The following ZNF236 variants were observed in gnomAD, a reference collection of about 807,000 sequenced individuals.
ZNF236 encodes the protein regulated by glucose.
A neutral mutation model predicts 191.2 loss-of-function variants in ZNF236; 50 were observed. The ratio of observed to expected loss-of-function variants is 0.26; its 90% confidence interval spans 0.21 to 0.33. The LOEUF is 0.33. ZNF236 is among the 10% of genes least tolerant of loss of function. The pLI is 1.00. For synonymous variants in ZNF236, 907 were observed against 928.8 expected (o/e 0.98, Z 0.43); for missense variants, 1,754 against 2,374.5 (o/e 0.74, Z 5.43).
chr18:76,902,640 C>T (rs9947222), intron 11 of ZNF236, among the ~76,000 whole-genome samples: 3,590 of 152,208 alleles, frequency 0.024, 119 homozygotes, highest in African/African-American at 0.079. Flanking sequence ...GGTACGATCT[C>T]GGCTCACTGC....
intron 18 of ZNF236, among the ~76,000 whole-genome samples, chr18:76,914,799 A>G (rs1967312831): frequency 6.6e-6 from 1 of 152,224 alleles, no homozygotes; most frequent in Admixed American, 6.5e-5. Context: ...GTACAGTTAA[A>G]AATATTTTTA....
Position 76,938,817 on chromosome 18 carries a change from C to T in ZNF236, c.4782+1474C>T, listed in dbSNP as rs1023169545. Among the ~76,000 whole-genome samples the T allele has an allele frequency of 1.7e-4, 26 of 152,114 alleles. 1 individual carries two copies. Among genetic ancestry groups the T allele is most frequent in the Admixed American group, 1.7e-3 (26 of 15,270 alleles). On this transcript the variant is annotated intron_variant, in intron 26 of 30. Coordinates refer to ENST00000320610, the MANE Select transcript of ZNF236 (RefSeq NM_001306089.2). ...CAAGCAGCCCTGCCTACGTCGTGCCCCCAGGGACCTGTCGGGCAGCCCCTG... is the reference window on the plus strand; with the variant it reads ...CAAGCAGCCCTGCCTACGTCGTGCCTCCAGGGACCTGTCGGGCAGCCCCTG...
At chr18:76,943,478 A>G (rs1346627145) in intron 26 of ZNF236, among the ~76,000 whole-genome samples, 1 of 152,216 alleles carries the variant, frequency 6.6e-6, no homozygotes, top group Non-Finnish European at 1.5e-5. Context: ...TCTTATTCTG[A>G]ATACAAGAAG....
At chr18:76,834,601 T>C in intron 1 of ZNF236, 1 of 458,126 alleles carries the variant, frequency 2.2e-6, no homozygotes. Context: ...GGTGAATGCC[T>C]GTATGCACAG....
chr18:76,916,237 A>G lies in ZNF236; in HGVS notation c.3274+378A>G, dbSNP rs72985214. On this transcript the variant is annotated intron_variant, in intron 19 of 30. Coordinates refer to ENST00000320610, the MANE Select transcript of ZNF236 (RefSeq NM_001306089.2). ...TTGTCTACTGAAGTTTATTACAGGC[A>G]TATTTAATTTATTGAACACAGGCCT... 2.5e-3 allele frequency among the ~76,000 whole-genome samples: 385 copies of G among 152,318 alleles called. 1 individual carries two copies. Among genetic ancestry groups the G allele is most frequent in the Admixed American group, 6.3e-3 (96 of 15,300 alleles).
chr18:76,874,086 C>T (rs943274984), intron 5 of ZNF236, among the ~76,000 whole-genome samples: 1 of 151,170 alleles, frequency 6.6e-6, no homozygotes, highest in African/African-American at 2.4e-5. Flanking sequence ...CTCACTGTGC[C>T]TCCTGCCCGC....
intron 26 of ZNF236, 73 bp downstream of exon 26, chr18:76,937,416 C>A: frequency 7.5e-7 from 1 of 1,325,228 alleles, no homozygotes; most frequent in East Asian, 2.6e-5. Context: ...TCATTGACTC[C>A]TTCCTAAATA....
chr18:76,963,916 A>G (rs1032663983), intron 30 of ZNF236, among the ~76,000 whole-genome samples: 1 of 152,146 alleles, frequency 6.6e-6, no homozygotes, highest in Non-Finnish European at 1.5e-5. Flanking sequence ...GTCAGTTGTG[A>G]TAGCTCCCAT....
rs760185058 is a variant in ZNF236 at position 76,927,878 on chromosome 18, A to T, written c.4415-49A>T. On this transcript the variant is annotated intron_variant, in intron 24 of 30. Coordinates refer to ENST00000320610, the MANE Select transcript of ZNF236 (RefSeq NM_001306089.2). The surrounding 1 kb of genome is among the most constrained non-coding windows in gnomAD (Gnocchi z 5.4). Reference sequence around the variant, plus strand: ...TATTTTTAATATAAAAACAGGGGAAATTGGTTATTTTGAATCTCAACTTTG... The same window carrying T: ...TATTTTTAATATAAAAACAGGGGAATTTGGTTATTTTGAATCTCAACTTTG... 1 of 1,363,628 alleles carries T rather than the reference A, an allele frequency of 7.3e-7. No individual in the cohort carries two copies. The highest frequency in any genetic ancestry group is 2.5e-5 in the Admixed American group (1 of 40,194). The allele number at this position is 1,363,628 out of a possible 1,614,324, so 84.5% of individuals were successfully genotyped here. A position where few individuals can be genotyped will look rare whatever the true frequency, so the allele number is the denominator to read the frequency against.
At chr18:76,856,581 A>G (rs1599336152) in intron 3 of ZNF236, among the ~76,000 whole-genome samples, 2 of 152,224 alleles carry the variant, frequency 1.3e-5, no homozygotes, top group East Asian at 3.8e-4. Flanking sequence ...TTCTTTAATT[A>G]TGAGTGAAGT....
intron 30 of ZNF236, among the ~76,000 whole-genome samples, chr18:76,962,502 A>T (rs1968689706): frequency 6.6e-6 from 1 of 151,828 alleles, no homozygotes; most frequent in East Asian, 1.9e-4. Context: ...ATGCCTCCAG[A>T]TTTGTTCTTT....
chr18:76,920,117 G>A, intron 20 of ZNF236, 59 bp downstream of exon 20: 2 of 1,542,996 alleles, frequency 1.3e-6, no homozygotes, highest in Non-Finnish European at 1.8e-6. Context: ...GCAGGCAGCT[G>A]CTCCTTTGGT....
chr18:76,871,953 T>C, intron 5 of ZNF236, 128 bp downstream of exon 5: 1 of 1,159,156 alleles, frequency 8.6e-7, no homozygotes, highest in Non-Finnish European at 1.2e-6. Flanking sequence ...CTTGCTGAAA[T>C]TAGTTACTCT....
intron 5 of ZNF236, among the ~76,000 whole-genome samples, chr18:76,872,990 G>A (rs1428922594): frequency 6.6e-6 from 1 of 152,012 alleles, no homozygotes; most frequent in Non-Finnish European, 1.5e-5. Flanking sequence ...TGATTTCAAT[G>A]TTTATATGTC....
intron 25 of ZNF236, among the ~76,000 whole-genome samples, chr18:76,930,736 A>G (rs994390330): frequency 2.0e-5 from 3 of 152,130 alleles, no homozygotes; most frequent in African/African-American, 4.8e-5. Context: ...TCCTTTTAAC[A>G]TGCTTTTGCT....
At chr18:76,928,873 T>C (rs985782756) in intron 25 of ZNF236, among the ~76,000 whole-genome samples, 5 of 152,080 alleles carry the variant, frequency 3.3e-5, no homozygotes, top group Admixed American at 3.3e-4. Flanking sequence ...TACTATGTGC[T>C]TGATATTATT....
At chr18:76,963,633 G>T (rs556441562) in intron 30 of ZNF236, among the ~76,000 whole-genome samples, 34 of 152,132 alleles carry the variant, frequency 2.2e-4, no homozygotes, top group Non-Finnish European at 4.7e-4. Flanking sequence ...TTGTGGAATA[G>T]TGTCAAAAGG....
intron 25 of ZNF236, among the ~76,000 whole-genome samples, chr18:76,928,789 C>T (rs113377019): frequency 0.012 from 1,762 of 152,026 alleles, 25 homozygotes; most frequent in African/African-American, 0.04. Flanking sequence ...GTGTGCTTTG[C>T]TCACGTGACT....
chr18:76,879,053 A>G lies in ZNF236; in HGVS notation c.984+901A>G, dbSNP rs138803332. Among the ~76,000 whole-genome samples the G allele has an allele frequency of 2.6e-4, 40 of 152,350 alleles. No individual in the cohort carries two copies. The East Asian group carries it at 7.7e-3, about 29-fold the overall frequency. ...AATAGAGTCCAATAATTATGTCTTC[A>G]AAATTCTATTTTGGTCTGAATTTTT... On this transcript the variant is annotated intron_variant, in intron 7 of 30. Coordinates refer to ENST00000320610, the MANE Select transcript of ZNF236 (RefSeq NM_001306089.2).
Sources: gnomAD v4.1 joint callset for allele counts (sites outside exome capture counted in the v4.1 genomes callset) on GRCh38, gnomAD v4.1.1 for gene constraint, Gnocchi (gnomAD v3.1) non-coding constraint, MANE v1.5 for transcripts, NCBI Gene and HGNC (gene_info 2026-07-23, HGNC 2026-07-21) for gene names.